The following SLC14A2 variants were observed in gnomAD, a reference collection of about 807,000 sequenced individuals.
SLC14A2 encodes the protein urea transporter 2.
SLC14A2 carries 91 observed loss-of-function variants against 104.6 expected under a neutral mutation model. The observed-to-expected ratio is 0.87, with a 90% CI of 0.73 to 1.04. The LOEUF is 1.04. Ranked by LOEUF, SLC14A2 falls within the 50% of genes least tolerant of loss-of-function variation. SLC14A2 has a pLI of 0.00. For missense variants in SLC14A2, 1,189 were observed against 1,156.0 expected (o/e 1.03, Z -0.41); for synonymous variants, 476 against 466.4 (o/e 1.02, Z -0.27).
intron 1 of SLC14A2, among the ~76,000 whole-genome samples, chr18:45,413,628 A>G (rs2086238071): frequency 6.6e-6 from 1 of 152,162 alleles, no homozygotes; most frequent in Admixed American, 6.6e-5. Context: ...TTGAAATTCC[A>G]CTGTCTTACG....
At chr18:45,409,963 C>T (rs1485917105) in intron 1 of SLC14A2, among the ~76,000 whole-genome samples, 1 of 152,118 alleles carries the variant, frequency 6.6e-6, no homozygotes, top group Non-Finnish European at 1.5e-5. Flanking sequence ...TCAGTGGGAT[C>T]CCTAAGCTTG....
At chr18:45,246,549 A>G (rs1488823219) in intron 1 of SLC14A2, among the ~76,000 whole-genome samples, 2 of 152,132 alleles carry the variant, frequency 1.3e-5, no homozygotes, top group African/African-American at 4.8e-5. Context: ...CTAACATTGC[A>G]GAGTAGAAAT....
At chr18:45,533,102 G>C (rs2043723765) in intron 2 of SLC14A2, among the ~76,000 whole-genome samples, 1 of 152,206 alleles carries the variant, frequency 6.6e-6, no homozygotes, top group South Asian at 2.1e-4. Flanking sequence ...CGGTTTGCCA[G>C]TATTTTATTG....
In SLC14A2 at chr18:45,311,352, C is replaced by T. The variant is rs559714215; in HGVS notation, c.-125+98161C>T. Among the ~76,000 whole-genome samples the T allele has an allele frequency of 8.2e-4, 125 of 152,308 alleles. 2 individuals are homozygous for T. In the South Asian group the frequency reaches 0.011, roughly 14 times the overall value. ...TAAACACATAATCACATTTAATCCT[C>T]TCAGTCACTATATGAGATATGTATA... On this transcript the variant is annotated intron_variant, in intron 1 of 20. Coordinates refer to the SLC14A2 transcript ENST00000586448.
chr18:45,673,792 G>T lies in SLC14A2; in HGVS notation c.2487G>T (p.Gln829His). Reference sequence around the variant, plus strand: ...GCATGTTCTACGTCATCACCTGGCAGACGCACCTCCTCGCCATCGCCTGCG... The same window carrying T: ...GCATGTTCTACGTCATCACCTGGCATACGCACCTCCTCGCCATCGCCTGCG... ...IGGMFYVITW[Q>H]THLLAIACAL... Residue 829 changes from glutamine (Q) to histidine (H), a missense_variant, in exon 18 of 20, where the codon CAG becomes CAT. By Grantham distance (24) the Gln-to-His change is conservative. Transcript: ENST00000255226. 6.2e-7 allele frequency: 1 copy of T among 1,614,182 alleles called. No homozygotes were observed. The highest frequency in any genetic ancestry group is 2.2e-5 in the East Asian group (1 of 44,890).
chr18:45,435,803 T>G (rs1441493768), intron 1 of SLC14A2, among the ~76,000 whole-genome samples: 1 of 152,202 alleles, frequency 6.6e-6, no homozygotes, highest in East Asian at 1.9e-4. Flanking sequence ...AACCACAGTT[T>G]AAGTAAAGTG....
intron 2 of SLC14A2, among the ~76,000 whole-genome samples, chr18:45,535,259 A>C (rs2043762466): frequency 6.6e-6 from 1 of 152,172 alleles, no homozygotes; most frequent in Non-Finnish European, 1.5e-5. Flanking sequence ...AAGCTGGAGG[A>C]GATTATTTTA....
intron 1 of SLC14A2, among the ~76,000 whole-genome samples, chr18:45,296,273 C>T (rs1351894108): frequency 1.3e-5 from 2 of 152,090 alleles, no homozygotes; most frequent in Admixed American, 6.5e-5. Flanking sequence ...ATTCCTGTGC[C>T]GGGTCCTGGC....
In SLC14A2 at chr18:45,397,847, C is replaced by A. The variant is rs999716218; in HGVS notation, c.-124-85386C>A. Among the ~76,000 whole-genome samples, 5 of 152,022 alleles carry A rather than the reference C, an allele frequency of 3.3e-5. No individual in the cohort carries two copies. In the East Asian group the frequency reaches 5.8e-4, roughly 18 times the overall value. Reference sequence around the variant, plus strand: ...TAGTACCTACCTTTTCAAAGAGATACCGAGAAAATTTAATAAATTATGTAA... The same window carrying A: ...TAGTACCTACCTTTTCAAAGAGATAACGAGAAAATTTAATAAATTATGTAA... On this transcript the variant is annotated intron_variant, in intron 1 of 20. Transcript: ENST00000586448.
chr18:45,474,506 C>A (rs2087319543), intron 1 of SLC14A2, among the ~76,000 whole-genome samples: 1 of 152,148 alleles, frequency 6.6e-6, no homozygotes, highest in Non-Finnish European at 1.5e-5. Context: ...CCATCCGGTC[C>A]TGGGCTTTTT....
intron 1 of SLC14A2, among the ~76,000 whole-genome samples, chr18:45,308,346 A>G (rs1435000937): frequency 6.6e-6 from 1 of 152,242 alleles, no homozygotes; most frequent in Non-Finnish European, 1.5e-5. Context: ...AACTTGTTCA[A>G]GGTCATCACC....
At chr18:45,203,351 C>T in the SLC14A2 span, among the ~76,000 whole-genome samples, 3 of 152,206 alleles carry the variant, frequency 2.0e-5, no homozygotes, top group Admixed American at 1.3e-4. Context: ...GACTACTCTT[C>T]TCAAAACCAT....
chr18:45,667,062 G>A lies in SLC14A2; in HGVS notation c.1685G>A (p.Gly562Glu), dbSNP rs1213524851. The change falls in exon 13 of 20, where the codon GGA (glycine) becomes GAA (glutamate). Residue 562 changes from glycine (G) to glutamate (E), a missense_variant. By Grantham distance (98) the Gly-to-Glu change is moderately conservative. Transcript: ENST00000255226. ...RVSKALSYIT[G>E]EMKECGEGLK... ...AGCAAAGCCCTCAGCTACATCACAG[G>A]AGAGATGAAGGAGTGTGGAGAGGGA... 1 of 1,613,796 alleles carries A rather than the reference G, an allele frequency of 6.2e-7. No individual in the cohort carries two copies. Among genetic ancestry groups the A allele is most frequent in the Non-Finnish European group, 8.5e-7 (1 of 1,179,840 alleles).
chr18:45,668,448 G>A lies in SLC14A2; in HGVS notation c.2007G>A (p.Leu669=). The A allele has an allele frequency of 6.2e-7, 1 of 1,614,146 alleles. No homozygotes were observed. Among genetic ancestry groups the A allele is most frequent in the South Asian group, 1.1e-5 (1 of 91,086 alleles). Residue 669 remains leucine (L), a synonymous_variant, in exon 15 of 20, where the codon TTG becomes TTA. Coordinates refer to ENST00000255226, the MANE Select transcript of SLC14A2 (RefSeq NM_007163.4). The part of the protein sequence containing the change: ...SDKGDYYWWL[L]LPVIIMSMSC... Reference sequence around the variant, plus strand: ...AAGGTGACTACTACTGGTGGCTGTTGCTACCCGTCATCATCATGTCCATGT... The same window carrying A: ...AAGGTGACTACTACTGGTGGCTGTTACTACCCGTCATCATCATGTCCATGT...
chr18:45,219,761 C>T (rs1224423967), intron 1 of SLC14A2, among the ~76,000 whole-genome samples: 1 of 151,988 alleles, frequency 6.6e-6, no homozygotes, highest in South Asian at 2.1e-4. Flanking sequence ...TAAACAAGCA[C>T]CAGTGTTATT....
At chr18:45,585,515 G>A (rs2044553248) in intron 2 of SLC14A2, among the ~76,000 whole-genome samples, 1 of 152,196 alleles carries the variant, frequency 6.6e-6, no homozygotes, top group Non-Finnish European at 1.5e-5. Flanking sequence ...CCAAGATTAT[G>A]TTTCCTATTA....
At chr18:45,507,780 G>A (rs1215419801) in intron 2 of SLC14A2, among the ~76,000 whole-genome samples, 2 of 152,220 alleles carry the variant, frequency 1.3e-5, no homozygotes, top group African/African-American at 2.4e-5. Flanking sequence ...CAAGAATGGT[G>A]AGAGTGTCCC....
In SLC14A2 at chr18:45,444,169, G is replaced by A. The variant is rs544084435; in HGVS notation, c.-124-39064G>A. Among the ~76,000 whole-genome samples the A allele has an allele frequency of 2.6e-5, 4 of 152,336 alleles. No individual in the cohort carries two copies. The South Asian group carries it at 8.3e-4, about 32-fold the overall frequency. On this transcript the variant is annotated intron_variant, in intron 1 of 20. Coordinates refer to the SLC14A2 transcript ENST00000586448. Reference sequence around the variant, plus strand: ...TTGTGCGTGTACTGAAGAACCAACTGGAAGCCCTGTTCTAAGGTTTTCTGA... The same window carrying A: ...TTGTGCGTGTACTGAAGAACCAACTAGAAGCCCTGTTCTAAGGTTTTCTGA...
intron 1 of SLC14A2, among the ~76,000 whole-genome samples, chr18:45,476,565 T>A (rs773132950): frequency 1.3e-5 from 2 of 152,212 alleles, no homozygotes; most frequent in Admixed American, 6.5e-5. Context: ...AACAATATCC[T>A]GAAGAGTGTT....
Sources: allele counts gnomAD v4.1 joint callset (sites outside exome capture counted in the v4.1 genomes callset), GRCh38; gene constraint gnomAD v4.1.1; transcripts MANE v1.5; gene names NCBI Gene and HGNC (gene_info 2026-07-23, HGNC 2026-07-21).